The following UBE2E2 variants were observed in gnomAD, a reference collection of about 807,000 sequenced individuals.
UBE2E2 encodes ubiquitin-conjugating enzyme E2 E2.
A neutral mutation model predicts 24.7 loss-of-function variants in UBE2E2; 6 were observed. The observed-to-expected ratio is 0.24, with a 90% CI of 0.13 to 0.48. UBE2E2 has a LOEUF of 0.48. Among genes scored for constraint, UBE2E2 ranks in the 20% least tolerant of loss-of-function variants. The pLI is 0.99. For missense variants in UBE2E2, 169 were observed against 245.0 expected (o/e 0.69, Z 2.07); for synonymous variants, 104 against 83.6 (o/e 1.24, Z -1.33).
In UBE2E2 at chr3:23,208,847, G is replaced by A. The variant is rs767272117; in HGVS notation, c.148G>A (p.Ala50Thr). The change falls in exon 2 of 6, where the codon GCT (alanine) becomes ACT (threonine). Residue 50 changes from alanine (A) to threonine (T), a missense_variant. By Grantham distance (58) the Ala-to-Thr change is moderately conservative (BLOSUM62 0). This residue lies in a region of UBE2E2 where 64 missense variants were observed against 64.3 expected (regional missense o/e 1.00). Transcript: ENST00000396703. ...KKEGKISSKT[A>T]AKLSTSAKRI... is the part of the protein sequence containing the mutation. The stretch of plus-strand genomic sequence containing the variant: ...GGAGGGAAAAATATCCAGCAAAACC[G>A]CTGCTAAATTGTCAACTAGTGCTAA... 8.1e-6 allele frequency: 13 copies of A among 1,612,574 alleles called. No homozygotes were observed. Among genetic ancestry groups the A allele is most frequent in the Admixed American group, 1.7e-5 (1 of 59,744 alleles).
intron 3 of UBE2E2, among the ~76,000 whole-genome samples, chr3:23,316,499 C>T (rs1686509399): frequency 6.6e-6 from 1 of 151,940 alleles, no homozygotes; most frequent in African/African-American, 2.4e-5. Context: ...TGCAATTCCC[C>T]CCGTAGGGCA....
intron 3 of UBE2E2, among the ~76,000 whole-genome samples, chr3:23,462,297 G>C (rs966191008): frequency 1.3e-5 from 2 of 152,124 alleles, no homozygotes; most frequent in Non-Finnish European, 2.9e-5. Flanking sequence ...TGGAAATGAA[G>C]TAGTATTTTC....
intron 3 of UBE2E2, among the ~76,000 whole-genome samples, chr3:23,285,776 C>T (rs531271660): frequency 6.6e-6 from 1 of 152,268 alleles, no homozygotes; most frequent in African/African-American, 2.4e-5. Context: ...TCACTGCAAC[C>T]TCTGCCTTTT....
intron 3 of UBE2E2, among the ~76,000 whole-genome samples, chr3:23,307,194 A>C (rs2125272148): frequency 6.6e-6 from 1 of 152,242 alleles, no homozygotes; most frequent in East Asian, 1.9e-4. Flanking sequence ...TCTTTTAAAA[A>C]ATATATACTG....
intron 3 of UBE2E2, among the ~76,000 whole-genome samples, chr3:23,347,214 A>C (rs1039301264): frequency 4.6e-5 from 7 of 152,254 alleles, no homozygotes; most frequent in Non-Finnish European, 8.8e-5. Flanking sequence ...TGTATACCCA[A>C]AGGATTATAA....
chr3:23,554,099 GA>G (rs1695717118), intron 5 of UBE2E2, among the ~76,000 whole-genome samples: 2 of 152,120 alleles, frequency 1.3e-5, no homozygotes, highest in South Asian at 4.1e-4. Flanking sequence ...AGGTGGGGTT[GA>G]GGGGGGAAGA....
intron 5 of UBE2E2, among the ~76,000 whole-genome samples, chr3:23,536,755 G>T (rs1695273849): frequency 6.6e-6 from 1 of 152,224 alleles, no homozygotes; most frequent in South Asian, 2.1e-4. Flanking sequence ...AAGATACTGA[G>T]ATTGACCATT....
chr3:23,234,448 TCC>T (rs1252021384), intron 3 of UBE2E2, among the ~76,000 whole-genome samples: 1 of 152,202 alleles, frequency 6.6e-6, no homozygotes, highest in African/African-American at 2.4e-5. Context: ...CTTCAGCTCC[TCC>T]ATGGTCAGCC....
At chr3:23,363,539 G>C (rs1041488087) in intron 3 of UBE2E2, among the ~76,000 whole-genome samples, 1 of 152,124 alleles carries the variant, frequency 6.6e-6, no homozygotes, top group African/African-American at 2.4e-5. Context: ...CCAATGATCA[G>C]AAAACACAAA....
intron 3 of UBE2E2, among the ~76,000 whole-genome samples, chr3:23,441,099 AC>A (rs1250202078): frequency 6.6e-6 from 1 of 152,174 alleles, no homozygotes; most frequent in Non-Finnish European, 1.5e-5. Flanking sequence ...CGACTTGCAA[AC>A]CACTAAAATC....
chr3:23,297,227 A>G (rs1347637641), intron 3 of UBE2E2, among the ~76,000 whole-genome samples: 1 of 151,998 alleles, frequency 6.6e-6, no homozygotes, highest in Non-Finnish European at 1.5e-5. Context: ...TCAGATGAGT[A>G]GGTTGCAAAA....
intron 5 of UBE2E2, among the ~76,000 whole-genome samples, chr3:23,542,566 G>T (rs930424310): frequency 6.6e-6 from 1 of 152,158 alleles, no homozygotes; most frequent in African/African-American, 2.4e-5. Flanking sequence ...GGTGGAGAGA[G>T]AGTGTTTTCA....
intron 3 of UBE2E2, among the ~76,000 whole-genome samples, chr3:23,271,573 T>C (rs1227400609): frequency 6.6e-6 from 1 of 152,140 alleles, no homozygotes; most frequent in Non-Finnish European, 1.5e-5. Context: ...TGGTCCATTT[T>C]ACAGAGAGCT....
chr3:23,579,256 G>A (rs1397983708), intron 5 of UBE2E2, among the ~76,000 whole-genome samples: 2 of 151,966 alleles, frequency 1.3e-5, no homozygotes, highest in African/African-American at 4.8e-5. Context: ...ATGATGGCAG[G>A]TGCCTGTAGT....
At chr3:23,210,304 G>C (rs1696285070) in intron 2 of UBE2E2, among the ~76,000 whole-genome samples, 1 of 152,106 alleles carries the variant, frequency 6.6e-6, no homozygotes, top group South Asian at 2.1e-4. Flanking sequence ...GGGAAGGATT[G>C]GTTGGCCAGG....
At chr3:23,542,558 T>C (rs1163662303) in intron 5 of UBE2E2, among the ~76,000 whole-genome samples, 4 of 152,166 alleles carry the variant, frequency 2.6e-5, no homozygotes, top group Admixed American at 6.6e-5. Flanking sequence ...GTATTCATGG[T>C]GGAGAGAGAG....
intron 3 of UBE2E2, among the ~76,000 whole-genome samples, chr3:23,436,960 T>C (rs1698198845): frequency 6.6e-6 from 1 of 152,236 alleles, no homozygotes; most frequent in Non-Finnish European, 1.5e-5. Flanking sequence ...GTTTCTGCCA[T>C]TGACACTCTC....
At chr3:23,585,685 G>C (rs117455478) in intron 5 of UBE2E2, among the ~76,000 whole-genome samples, 4,371 of 152,154 alleles carry the variant, frequency 0.029, 106 homozygotes, top group East Asian at 0.12. Context: ...GATAAATTTT[G>C]TGGCTTTTCT....
chr3:23,453,718 T>G (rs1698616765), intron 3 of UBE2E2, among the ~76,000 whole-genome samples: 5 of 152,212 alleles, frequency 3.3e-5, no homozygotes, highest in Admixed American at 3.3e-4. Flanking sequence ...ACATTTGTCA[T>G]TATAGATTTT....
Sources: gnomAD v4.1 joint callset for allele counts (sites outside exome capture counted in the v4.1 genomes callset) on GRCh38, gnomAD v4.1.1 for gene constraint, gnomAD v4.1.1 regional missense constraint, MANE v1.5 for transcripts, NCBI Gene and HGNC (gene_info 2026-07-23, HGNC 2026-07-21) for gene names.